Variants in ZMAT1 observed in about 807,000 individuals in gnomAD.
ZMAT1 encodes the protein zinc finger matrin-type 1.
Under a neutral mutation model 18.5 loss-of-function variants are expected in ZMAT1, and 11 were observed. The ratio of observed to expected loss-of-function variants is 0.59; its 90% CI spans 0.37 to 0.98. The LOEUF (loss-of-function observed/expected upper bound fraction) is 0.98. Among genes scored for constraint, ZMAT1 ranks in the 50% least tolerant of loss-of-function variants. The probability of loss-of-function intolerance (pLI) is 0.01; values close to 1 mark genes in which losing one functional copy is unlikely to be tolerated. For synonymous variants in ZMAT1, 211 were observed against 176.4 expected (o/e 1.20, Z -1.55); for missense variants, 525 against 496.2 (o/e 1.06, Z -0.55).
intron 5 of ZMAT1, among the ~76,000 whole-genome samples, chrX:101,885,076 A>G (rs928542260): frequency 9.0e-6 from 1 of 111,065 alleles, no homozygotes; most frequent in East Asian, 2.9e-4. Context: ...AGCATGGAAA[A>G]TGATATATCT....
chrX:101,912,400 G>T (rs1929028431), intron 1 of ZMAT1, among the ~76,000 whole-genome samples: 1 of 112,440 alleles, frequency 8.9e-6, no homozygotes, highest in Non-Finnish European at 1.9e-5. Context: ...TCCAGGGAAA[G>T]CTTTTGTCCA....
chrX:101,897,101 T>C (rs188142311), intron 4 of ZMAT1, among the ~76,000 whole-genome samples: 1 of 108,753 alleles, frequency 9.2e-6, no homozygotes, highest in African/African-American at 3.3e-5. Flanking sequence ...TTTTGGAAAA[T>C]ACTAACGCAA....
intron 1 of ZMAT1, among the ~76,000 whole-genome samples, chrX:101,910,647 A>G (rs949310905): frequency 8.9e-6 from 1 of 112,512 alleles, no homozygotes. Flanking sequence ...TGAAGAATGA[A>G]TCAGAGTCCT....
chrX:101,886,459 C>G (rs1926954357), intron 5 of ZMAT1, among the ~76,000 whole-genome samples, 173 bp downstream of exon 5: 1 of 111,476 alleles, frequency 9.0e-6, no homozygotes, highest in African/African-American at 3.3e-5. Flanking sequence ...AGAACTAAAA[C>G]TAGAACCCCT....
At chrX:101,893,807 CCAGA>C (rs1481663227) in intron 4 of ZMAT1, among the ~76,000 whole-genome samples, 2 of 110,696 alleles carry the variant, frequency 1.8e-5, no homozygotes, top group Non-Finnish European at 3.8e-5. Flanking sequence ...TAGGGATATT[CCAGA>C]CAAAGTGGCA....
In ZMAT1 at chrX:101,888,485, C is replaced by T. The variant is rs374541553; in HGVS notation, c.677-1754G>A. Reference sequence around the variant, plus strand: ...CACATTAGAATCATATGGAAAAATTCAAAAATATTGATGTTACAACTCCAT... The same window carrying T: ...CACATTAGAATCATATGGAAAAATTTAAAAATATTGATGTTACAACTCCAT... On this transcript the variant is annotated intron_variant, in intron 4 of 5. Transcript: ENST00000651725. The T allele has an allele frequency of 2.6e-4, 29 of 111,279 alleles. 3 individuals are homozygous for T. Among genetic ancestry groups the T allele is most frequent in the East Asian group, 2.3e-3 (8 of 3,500 alleles). 9.2% of individuals were successfully genotyped at this position (111,279 alleles called of 1,213,427 possible). A position where few individuals can be genotyped will look rare whatever the true frequency, so the allele number is the denominator to read the frequency against.
chrX:101,912,408 C>A (rs904824045), intron 1 of ZMAT1, among the ~76,000 whole-genome samples: 6 of 112,355 alleles, frequency 5.3e-5, no homozygotes, highest in African/African-American at 1.9e-4. Context: ...AAGCTTTTGT[C>A]CAAGGATTCA....
intron 1 of ZMAT1, 140 bp from the exon 2 acceptor site, chrX:101,904,470 C>T (rs1412602494): frequency 2.9e-5 from 13 of 447,126 alleles, no homozygotes; most frequent in South Asian, 1.7e-4. Context: ...GCTTTTTGTT[C>T]GAGTGTGCAA....
intron 4 of ZMAT1, among the ~76,000 whole-genome samples, chrX:101,891,075 C>A (rs987944696): frequency 9.0e-6 from 1 of 110,832 alleles, no homozygotes; most frequent in African/African-American, 3.3e-5. Context: ...TCTGTGGCTG[C>A]AATACAAAGG....
chrX:101,893,724 T>C (rs1261516747), intron 4 of ZMAT1, among the ~76,000 whole-genome samples: 3 of 111,420 alleles, frequency 2.7e-5, no homozygotes, highest in Admixed American at 9.6e-5. Context: ...TACTTAGAAA[T>C]GCAGGTTAAG....
In ZMAT1 at chrX:101,932,024, G is replaced by A; in HGVS notation, c.-16C>T. 6 of 764,961 alleles carry A rather than the reference G, an allele frequency of 7.8e-6. No individual in the cohort carries two copies. Among genetic ancestry groups the A allele is most frequent in the Middle Eastern group, 7.4e-4 (1 of 1,348 alleles). The allele number at this position is 764,961 out of a possible 1,213,427, so 63.0% of individuals were successfully genotyped here. ...CCGCCGCCATCGCAGCGAGGCGCGC[G>A]GACAATTGCACTTGCGTCTCGATTC... On this transcript the variant is annotated 5_prime_UTR_variant, in exon 1 of 6. Transcript: ENST00000651725.
chrX:101,884,887 A>G, intron 5 of ZMAT1, 66 bp from the exon 6 acceptor site: 2 of 674,177 alleles, frequency 3.0e-6, no homozygotes, highest in Non-Finnish European at 4.2e-6. Flanking sequence ...TTTGTTCTTA[A>G]AAGTATTAGT....
Position 101,883,787 on chromosome X carries a change from T to C in ZMAT1, c.1811A>G (p.Glu604Gly). The part of the protein sequence containing the change: ...KHQKRKRHLE[E>G]GKERPEKEQS... ...CTCTTTCTCTGGCCTTTCTTTGCCT[T>C]CTTCTAGGTGTCGTTTTCTCTTCTG... Residue 604 changes from glutamate (E) to glycine (G), a missense_variant, in exon 6 of 6, where the codon GAA (glutamate) becomes GGA (glycine). By Grantham distance (98) the Glu-to-Gly change is moderately conservative. Transcript: ENST00000651725. 8.3e-7 allele frequency: 1 copy of C among 1,210,468 alleles called. No homozygotes were observed. Among genetic ancestry groups the C allele is most frequent in the Non-Finnish European group, 1.1e-6 (1 of 895,162 alleles).
At chrX:101,900,320 T>A (rs1260519425) in intron 2 of ZMAT1, among the ~76,000 whole-genome samples, 2 of 29,528 alleles carry the variant, frequency 6.8e-5, no homozygotes, top group Non-Finnish European at 1.5e-4. Context: ...GTCTCAGCTA[T>A]TTATCTTTGT....
At chrX:101,901,979 A>G (rs1252653514) in intron 2 of ZMAT1, among the ~76,000 whole-genome samples, 2 of 112,009 alleles carry the variant, frequency 1.8e-5, no homozygotes, top group Non-Finnish European at 3.8e-5. Flanking sequence ...TAGATCTCCC[A>G]ATATACATGT....
At chrX:101,914,242 T>C (rs1365487250) in intron 1 of ZMAT1, among the ~76,000 whole-genome samples, 1 of 107,680 alleles carries the variant, frequency 9.3e-6, no homozygotes, top group Non-Finnish European at 1.9e-5. Flanking sequence ...TTAAAAAGAG[T>C]TTAGAAAAAC....
chrX:101,902,458 G>C (rs1189356034), intron 2 of ZMAT1, among the ~76,000 whole-genome samples: 1 of 111,682 alleles, frequency 9.0e-6, no homozygotes, highest in Non-Finnish European at 1.9e-5. Flanking sequence ...TGACTCATTT[G>C]AAAGCTGTGA....
rs779157098 is a variant in ZMAT1, at chrX:101,886,619, C to A, written c.776+13G>T. 90 of 1,175,778 alleles carry A rather than the reference C, an allele frequency of 7.7e-5. No individual in the cohort carries two copies. Among genetic ancestry groups the A allele is most frequent in the Non-Finnish European group, 1.0e-4 (87 of 873,546 alleles). On this transcript the variant is annotated intron_variant, in intron 5 of 5. Transcript: ENST00000651725. The stretch of plus-strand genomic sequence containing the variant: ...CTTTGGTATCATAGGAAAATTTTGG[C>A]AAAAATACTTACTTAATTTGATGTT...
chrX:101,898,359 C>A, intron 2 of ZMAT1, 139 bp from the exon 3 acceptor site: 1 of 484,273 alleles, frequency 2.1e-6, no homozygotes, highest in East Asian at 3.8e-5. Context: ...GATTTCAAAT[C>A]TCTAAATGTC....
Sources: gnomAD v4.1 joint callset for allele counts (sites outside exome capture counted in the v4.1 genomes callset) on GRCh38, gnomAD v4.1.1 for gene constraint, MANE v1.5 for transcripts, NCBI Gene and HGNC (gene_info 2026-07-23, HGNC 2026-07-21) for gene names.